MYO5A: variants seen among roughly 807,000 people sequenced by gnomAD.
MYO5A encodes the protein myosin VA, also known as unconventional myosin-Va.
MYO5A carries 98 observed loss-of-function variants against 249.7 expected under a neutral mutation model. The ratio of observed to expected loss-of-function variants is 0.39; its 90% CI spans 0.33 to 0.46. MYO5A has a LOEUF of 0.46. Among genes scored for constraint, MYO5A ranks in the 20% least tolerant of loss-of-function variants. The pLI is 0.98. For missense variants in MYO5A, 1,696 were observed against 2,308.8 expected, an observed-to-expected ratio of 0.73 and a Z score of 5.44; for synonymous variants, 778 against 810.6, an observed-to-expected ratio of 0.96 and a Z score of 0.68.
intron 20 of MYO5A, 88 bp downstream of exon 20, chr15:52,375,216 C>T: frequency 7.3e-7 from 1 of 1,376,572 alleles, no homozygotes; most frequent in Non-Finnish European, 1.0e-6. Flanking sequence ...TTCCTACCTT[C>T]ATTGTAGCCC....
At chr15:52,447,528 C>A (rs2075918436) in intron 1 of MYO5A, among the ~76,000 whole-genome samples, 1 of 152,066 alleles carries the variant, frequency 6.6e-6, no homozygotes, top group African/African-American at 2.4e-5. Context: ...TATAAAGATA[C>A]CTGAAAATGT....
At chr15:52,453,040 A>C (rs2076051336) in intron 1 of MYO5A, among the ~76,000 whole-genome samples, 1 of 152,148 alleles carries the variant, frequency 6.6e-6, no homozygotes, top group South Asian at 2.1e-4. Context: ...ACTTTCCAAA[A>C]CTTGAGAAAC....
At chr15:52,428,918 T>C (rs1458317399) in intron 2 of MYO5A, among the ~76,000 whole-genome samples, 1 of 152,212 alleles carries the variant, frequency 6.6e-6, no homozygotes, top group East Asian at 1.9e-4. Flanking sequence ...AAAAGAGTGG[T>C]CGAGAGCTTG....
chr15:52,459,096 A>G (rs2076179342), intron 1 of MYO5A, among the ~76,000 whole-genome samples: 1 of 140,362 alleles, frequency 7.1e-6, no homozygotes, highest in Admixed American at 7.6e-5. Context: ...GCCTCCCAGG[A>G]TCAAGCAATT....
In MYO5A at chr15:52,372,201, A is replaced by G; in HGVS notation, c.2740T>C (p.Ser914Pro). ...ELKKLKIEAR[S>P]VERYKKLHIG... ...TGCAGCTTCTTATAGCGCTCCACTG[A>G]GCGAGCCTCGATTTTGAGCTTCTTT... The change falls in exon 21 of 42, where the codon TCA becomes CCA. Residue 914 changes from serine (S) to proline (P), a missense_variant. Around this residue, in one of 5 missense-constraint regions of MYO5A, gnomAD observed 412 missense variants for 453.3 expected, o/e 0.91. Transcript: ENST00000399233. 1 of 1,613,524 alleles carries G rather than the reference A, an allele frequency of 6.2e-7. No homozygotes were observed. The highest frequency in any genetic ancestry group is 8.5e-7 in the Non-Finnish European group (1 of 1,180,002).
chr15:52,466,590 T>G (rs1177581349), intron 1 of MYO5A, among the ~76,000 whole-genome samples: 1 of 152,184 alleles, frequency 6.6e-6, no homozygotes, highest in African/African-American at 2.4e-5. Flanking sequence ...GCTGTGAAGC[T>G]AGAACCACCC....
At chr15:52,325,094 A>G (rs2038532250) in intron 36 of MYO5A, among the ~76,000 whole-genome samples, 1 of 152,214 alleles carries the variant, frequency 6.6e-6, no homozygotes, top group South Asian at 2.1e-4. Flanking sequence ...TCTTCCAAAA[A>G]TCTGGATTAC....
At chr15:52,505,577 A>G in intron 1 of MYO5A, 1 of 1,561,528 alleles carries the variant, frequency 6.4e-7, no homozygotes, top group Non-Finnish European at 8.8e-7. Context: ...GAATCAAAGA[A>G]AGCCAAAAAA....
intron 36 of MYO5A, chr15:52,323,796 G>A (rs1318956264): frequency 3.3e-6 from 1 of 305,646 alleles, no homozygotes; most frequent in Non-Finnish European, 6.3e-6. Context: ...CTGGGGTCAG[G>A]AGTTGGAGAC....
chr15:52,418,744 A>AAGAGAGAGAGAC (rs1203579908), intron 4 of MYO5A, among the ~76,000 whole-genome samples: 7 of 148,534 alleles, frequency 4.7e-5, no homozygotes, highest in Non-Finnish European at 1.0e-4. Flanking sequence ...GAAAGAGAGA[A>AAGAGAGAGAGAC]AGAGAGAGAG....
chr15:52,376,289 T>G, intron 19 of MYO5A, 58 bp downstream of exon 19: 1 of 1,545,370 alleles, frequency 6.5e-7, no homozygotes, highest in Admixed American at 1.7e-5. Flanking sequence ...CAGTCAAAAC[T>G]GTCCTTGGTT....
chr15:52,385,576 A>ATT (rs768015184), intron 14 of MYO5A, among the ~76,000 whole-genome samples: 1 of 151,434 alleles, frequency 6.6e-6, no homozygotes, highest in Non-Finnish European at 1.5e-5. Context: ...ATATATATAT[A>ATT]TTTTTTTAAA....
rs2041166068 is a variant in MYO5A, at chr15:52,372,287, C to G, written c.2654G>C (p.Ser885Thr). The change falls in exon 21 of 42, where the codon AGC (serine) becomes ACC (threonine). Residue 885 changes from serine to threonine, a missense_variant. Around this residue, in one of 5 missense-constraint regions of MYO5A, gnomAD observed 412 missense variants for 453.3 expected, o/e 0.91. Transcript: ENST00000399233. ...GWLARTHYKR[S>T]MHAIIYLQCC... ...CTGAAGGTAGATGATGGCATGCATGCTCCTCTTGTAGTGTGTGCGGGCCAG... is the reference window on the plus strand; with the variant it reads ...CTGAAGGTAGATGATGGCATGCATGGTCCTCTTGTAGTGTGTGCGGGCCAG... 6.2e-7 allele frequency: 1 copy of G among 1,610,734 alleles called. No individual in the cohort carries two copies. The highest frequency in any genetic ancestry group is 1.3e-5 in the African/African-American group (1 of 74,924).
At chr15:52,514,650 C>A (rs182946110) in intron 1 of MYO5A, among the ~76,000 whole-genome samples, 5 of 152,194 alleles carry the variant, frequency 3.3e-5, no homozygotes, top group Non-Finnish European at 7.3e-5. Context: ...TACAGCCTCA[C>A]TGCTCAAGGT....
At chr15:52,468,109 A>C (rs1024566574) in intron 1 of MYO5A, among the ~76,000 whole-genome samples, 13 of 152,134 alleles carry the variant, frequency 8.5e-5, no homozygotes, top group Non-Finnish European at 1.6e-4. Context: ...CAGCACTTTG[A>C]GAAGCTGAGG....
At chr15:52,395,840 T>C (rs1476844272) in intron 11 of MYO5A, among the ~76,000 whole-genome samples, 1 of 152,194 alleles carries the variant, frequency 6.6e-6, no homozygotes, top group Non-Finnish European at 1.5e-5. Flanking sequence ...TATTACTACT[T>C]CACAAGAGCC....
At chr15:52,454,353 C>T (rs1482713427) in intron 1 of MYO5A, among the ~76,000 whole-genome samples, 1 of 151,874 alleles carries the variant, frequency 6.6e-6, no homozygotes, top group Non-Finnish European at 1.5e-5. Flanking sequence ...ACCAAAGTAC[C>T]CAAGTATATA....
At chr15:52,409,849 T>TGC (rs1567099296) in intron 6 of MYO5A, among the ~76,000 whole-genome samples, 2 of 151,832 alleles carry the variant, frequency 1.3e-5, no homozygotes, top group Non-Finnish European at 2.9e-5. Flanking sequence ...CATCAACTGT[T>TGC]TTTTTGATAG....
chr15:52,329,315 T>C (rs1043448617), intron 35 of MYO5A, among the ~76,000 whole-genome samples: 11 of 152,232 alleles, frequency 7.2e-5, no homozygotes, highest in Admixed American at 2.6e-4. Context: ...GCCAGGAACA[T>C]TCCATCAGGT....
Sources: gnomAD v4.1 joint callset for allele counts (sites outside exome capture counted in the v4.1 genomes callset) on GRCh38, gnomAD v4.1.1 for gene constraint, gnomAD v4.1.1 regional missense constraint, MANE v1.5 for transcripts, NCBI Gene and HGNC (gene_info 2026-07-23, HGNC 2026-07-21) for gene names.